Variants in ZSWIM5 observed in about 807,000 individuals in gnomAD.
The protein encoded by ZSWIM5 is zinc finger SWIM-type containing 5.
Under a neutral mutation model 119.6 loss-of-function variants are expected in ZSWIM5, and 55 were observed. The observed-to-expected ratio is 0.46, with a 90% CI of 0.37 to 0.58. The LOEUF (loss-of-function observed/expected upper bound fraction) is 0.58, where lower values mean the gene tolerates loss of function less well. Ranked by LOEUF, ZSWIM5 falls within the 20% of genes least tolerant of loss-of-function variation. The pLI is 0.00. For synonymous variants in ZSWIM5, 537 were observed against 606.9 expected, an observed-to-expected ratio of 0.88 and a Z score of 1.69; for missense variants, 1,193 against 1,512.8, an observed-to-expected ratio of 0.79 and a Z score of 3.51.
intron 2 of ZSWIM5, among the ~76,000 whole-genome samples, chr1:45,078,041 G>A (rs182900819): frequency 8.9e-4 from 135 of 152,226 alleles, no homozygotes; most frequent in African/African-American, 3.1e-3. Context: ...GTCCTGAGGC[G>A]ACATACATCC....
intron 1 of ZSWIM5, among the ~76,000 whole-genome samples, chr1:45,129,822 GA>G (rs1487536010): frequency 2.0e-5 from 3 of 151,812 alleles, no homozygotes; most frequent in Non-Finnish European, 2.9e-5. Flanking sequence ...AAAAGTTTTA[GA>G]AGAATAGAAA....
intron 1 of ZSWIM5, among the ~76,000 whole-genome samples, chr1:45,095,364 G>C (rs1645394877): frequency 6.6e-6 from 1 of 152,090 alleles, no homozygotes; most frequent in Admixed American, 6.5e-5. Flanking sequence ...GGCCTCAACT[G>C]ATCCTCCTGC....
intron 2 of ZSWIM5, among the ~76,000 whole-genome samples, chr1:45,068,107 C>CTTTTTTTTTTTTTTTTTTTTTT (rs71040545): frequency 8.8e-6 from 1 of 113,288 alleles, no homozygotes; most frequent in African/African-American, 3.4e-5. Context: ...TTTTTTTTTT[C>CTTTTTTTTTTTTTTTTTTTTTT]TTTTTTTTTT....
At chr1:45,135,221 G>A (rs1270616183) in intron 1 of ZSWIM5, among the ~76,000 whole-genome samples, 1 of 149,744 alleles carries the variant, frequency 6.7e-6, no homozygotes, top group East Asian at 2.0e-4. Flanking sequence ...CAATTTTTCT[G>A]CATCAGTCAT....
intron 6 of ZSWIM5, among the ~76,000 whole-genome samples, chr1:45,042,043 A>G (rs758744103): frequency 5.9e-5 from 9 of 152,132 alleles, no homozygotes; most frequent in African/African-American, 9.7e-5. Context: ...ATGGTTCCCA[A>G]TTTTTCTCAT....
chr1:45,018,873 C>T lies in ZSWIM5; in HGVS notation c.3139G>A (p.Ala1047Thr). ...PAINDVLWAC[A>T]LSHSLGKNEL... ...TTCTTGCCCAGAGAGTGGCTGAGAG[C>T]ACAAGCCCAGAGCACATCATTGATG... Residue 1047 changes from alanine (A) to threonine (T), a missense_variant, in exon 14 of 14, where the codon GCT (alanine) becomes ACT (threonine). Transcript: ENST00000359600. This position sits in a 1 kb window ranked among gnomAD's most constrained non-coding sequence, Gnocchi z 6.7. 1 of 1,614,210 alleles carries T rather than the reference C, an allele frequency of 6.2e-7. No homozygotes were observed. Among genetic ancestry groups the T allele is most frequent in the Admixed American group, 1.7e-5 (1 of 60,028 alleles).
chr1:45,161,533 G>A (rs764092610), intron 1 of ZSWIM5, among the ~76,000 whole-genome samples: 4 of 152,132 alleles, frequency 2.6e-5, no homozygotes, highest in Non-Finnish European at 5.9e-5. Context: ...GAAAATATGT[G>A]TTCTCTTGAT....
intron 2 of ZSWIM5, among the ~76,000 whole-genome samples, chr1:45,084,061 C>A (rs1039558936): frequency 2.0e-5 from 3 of 152,130 alleles, no homozygotes; most frequent in African/African-American, 7.2e-5. Context: ...AGGGATGCAC[C>A]ACAATGCCCA....
chr1:45,084,300 T>G (rs1282893695), intron 2 of ZSWIM5, among the ~76,000 whole-genome samples: 1 of 152,078 alleles, frequency 6.6e-6, no homozygotes, highest in East Asian at 1.9e-4. Context: ...TCCAATCACC[T>G]CCCATCAGGC....
chr1:45,096,536 ACACACACACACACACACGC>A (rs1645403977), intron 1 of ZSWIM5, among the ~76,000 whole-genome samples: 1 of 113,582 alleles, frequency 8.8e-6, no homozygotes, highest in African/African-American at 3.4e-5. Flanking sequence ...GGCCCTATCA[ACACACACACACACACACGC>A]ACACACACAC....
intron 1 of ZSWIM5, among the ~76,000 whole-genome samples, chr1:45,147,190 C>T (rs893463336): frequency 6.6e-6 from 1 of 151,882 alleles, no homozygotes; most frequent in South Asian, 2.1e-4. Context: ...ACTCCTGACT[C>T]AGCTTCCTGA....
chr1:45,048,070 C>A (rs945062508), intron 5 of ZSWIM5, among the ~76,000 whole-genome samples: 2 of 20,876 alleles, frequency 9.6e-5, no homozygotes, highest in East Asian at 1.3e-3. Flanking sequence ...TCTTTCTTTC[C>A]TTTTCTTTTC....
chr1:45,186,054 T>C (rs896156214), intron 1 of ZSWIM5, among the ~76,000 whole-genome samples: 2 of 151,676 alleles, frequency 1.3e-5, no homozygotes, highest in African/African-American at 4.9e-5. Flanking sequence ...ATATACACCA[T>C]GGAATACTAT....
At chr1:45,024,559 A>G (rs1385931972) in intron 11 of ZSWIM5, among the ~76,000 whole-genome samples, 3 of 151,454 alleles carry the variant, frequency 2.0e-5, no homozygotes, top group African/African-American at 7.3e-5. Flanking sequence ...TTTTTCTTTC[A>G]TGATTGTGCT....
chr1:45,089,699 C>T (rs774557563), intron 1 of ZSWIM5, among the ~76,000 whole-genome samples: 8 of 152,080 alleles, frequency 5.3e-5, no homozygotes, highest in Non-Finnish European at 1.0e-4. Flanking sequence ...ATGCTTAGTG[C>T]GGTGGCTCAC....
At chr1:45,132,980 A>G (rs1263823145) in intron 1 of ZSWIM5, among the ~76,000 whole-genome samples, 1 of 152,140 alleles carries the variant, frequency 6.6e-6, no homozygotes, top group Non-Finnish European at 1.5e-5. Flanking sequence ...TCCATGGTGT[A>G]TATGTGCCAC....
intron 1 of ZSWIM5, among the ~76,000 whole-genome samples, chr1:45,165,927 A>C (rs537180117): frequency 6.6e-6 from 1 of 152,126 alleles, no homozygotes; most frequent in African/African-American, 2.4e-5. Context: ...AAACTATTCC[A>C]ATCAATAGAA....
chr1:45,136,894 GC>G (rs1443914626), intron 1 of ZSWIM5, among the ~76,000 whole-genome samples: 1 of 151,992 alleles, frequency 6.6e-6, no homozygotes, highest in African/African-American at 2.4e-5. Context: ...TCCACATTTT[GC>G]CCTTCTAGCC....
rs140756530 is a variant in ZSWIM5 at position 45,201,499 on chromosome 1, C to A, written c.595+4257G>T. Among the ~76,000 whole-genome samples the A allele has an allele frequency of 2.2e-3, 329 of 152,168 alleles. 1 individual carries two copies. The highest frequency in any genetic ancestry group is 7.5e-3 in the African/African-American group (311 of 41,514). On this transcript the variant is annotated intron_variant, in intron 1 of 13. Coordinates refer to ENST00000359600, the MANE Select transcript of ZSWIM5 (RefSeq NM_020883.2). ...CATGTATATATTCATATAACCCTCA[C>A]CATAATAGATTACTGACAGTTAATG...
Sources: gnomAD v4.1 joint callset for allele counts (sites outside exome capture counted in the v4.1 genomes callset) on GRCh38, gnomAD v4.1.1 for gene constraint, Gnocchi (gnomAD v3.1) non-coding constraint, MANE v1.5 for transcripts, NCBI Gene and HGNC (gene_info 2026-07-23, HGNC 2026-07-21) for gene names.